The following PDZD8 variants were observed in gnomAD, a reference collection of about 807,000 sequenced individuals.
PDZD8 encodes the protein PDZ domain-containing protein 8.
A neutral mutation model predicts 85.8 loss-of-function variants in PDZD8; 14 were observed. The ratio of observed to expected loss-of-function variants is 0.16; its 90% CI spans 0.11 to 0.26. PDZD8 has a LOEUF of 0.26. Among genes scored for constraint, PDZD8 ranks in the 10% least tolerant of loss-of-function variants. The probability of loss-of-function intolerance (pLI) is 1.00; values close to 1 mark genes in which losing one functional copy is unlikely to be tolerated. For missense variants in PDZD8, 1,197 were observed against 1,424.3 expected (o/e 0.84, Z 2.57); for synonymous variants, 592 against 568.6 (o/e 1.04, Z -0.59).
At chr10:117,296,553 T>C (rs1023113421) in intron 3 of PDZD8, among the ~76,000 whole-genome samples, 1 of 152,130 alleles carries the variant, frequency 6.6e-6, no homozygotes, top group African/African-American at 2.4e-5. Context: ...TTACACTACC[T>C]GATTTCAAGG....
At chr10:117,332,851 C>T (rs545113914) in intron 2 of PDZD8, among the ~76,000 whole-genome samples, 19 of 149,540 alleles carry the variant, frequency 1.3e-4, no homozygotes, top group Non-Finnish European at 2.5e-4. Context: ...GGCGTGGTGG[C>T]TCATGCCTGT....
intron 2 of PDZD8, among the ~76,000 whole-genome samples, chr10:117,328,809 T>A (rs963247742): frequency 1.3e-5 from 2 of 152,158 alleles, no homozygotes; most frequent in East Asian, 3.8e-4. Context: ...GCCAATTAGA[T>A]CTATAATTAA....
chr10:117,324,482 C>T (rs1227911908), intron 2 of PDZD8, among the ~76,000 whole-genome samples: 1 of 152,044 alleles, frequency 6.6e-6, no homozygotes, highest in Admixed American at 6.6e-5. Context: ...TAGCCATGGC[C>T]ATTTCTAACT....
At chr10:117,373,096 A>G (rs1259392646) in intron 1 of PDZD8, among the ~76,000 whole-genome samples, 1 of 152,212 alleles carries the variant, frequency 6.6e-6, no homozygotes, top group African/African-American at 2.4e-5. Flanking sequence ...GAAGTTAAAA[A>G]TTCAGCTTTT....
At chr10:117,340,326 C>G (rs2133845255) in intron 2 of PDZD8, among the ~76,000 whole-genome samples, 1 of 152,336 alleles carries the variant, frequency 6.6e-6, no homozygotes, top group East Asian at 1.9e-4. Context: ...CAGCAAAGAA[C>G]TCTGCGAAGT....
chr10:117,308,156 A>G (rs763780984), intron 3 of PDZD8, among the ~76,000 whole-genome samples: 2 of 152,090 alleles, frequency 1.3e-5, no homozygotes, highest in Non-Finnish European at 2.9e-5. Context: ...TCCATATTTT[A>G]TCCTCAGTTG....
intron 3 of PDZD8, among the ~76,000 whole-genome samples, chr10:117,308,313 C>G (rs564218292): frequency 1.3e-5 from 2 of 152,050 alleles, no homozygotes; most frequent in East Asian, 3.9e-4. Flanking sequence ...CTCTCCCTGC[C>G]CTCCTCACAT....
Position 117,341,011 on chromosome 10 carries a change from G to T in PDZD8, c.964C>A (p.Arg322Ser). 6.2e-7 allele frequency: 1 copy of T among 1,613,918 alleles called. No homozygotes were observed. Among genetic ancestry groups the T allele is most frequent in the Non-Finnish European group, 8.5e-7 (1 of 1,179,926 alleles). The change falls in exon 2 of 5, where the codon CGT becomes AGT. Residue 322 changes from arginine (R) to serine (S), a missense_variant. Arg to Ser is a moderately radical substitution (Grantham distance 110). Around this residue, in one of 4 missense-constraint regions of PDZD8, gnomAD observed 344 missense variants for 453.6 expected, o/e 0.76. Transcript: ENST00000334464. ...CATTCTAACAACGTAACTTTAAGAC[G>T]GCCTTCAGTAAGTGCCCATTGTTGT... is the stretch of plus-strand genomic sequence containing the variant. ...HIQQWALTEG[R>S]LKVTLLECSR...
chr10:117,325,404 CTT>C (rs71013659), intron 2 of PDZD8, among the ~76,000 whole-genome samples: 11 of 99,840 alleles, frequency 1.1e-4, no homozygotes, highest in African/African-American at 2.9e-4. Flanking sequence ...GAAAAGCCAA[CTT>C]TTTTTTTTTT....
At chr10:117,287,599 T>C (rs375285513) in intron 4 of PDZD8, among the ~76,000 whole-genome samples, 10 of 152,302 alleles carry the variant, frequency 6.6e-5, no homozygotes, top group African/African-American at 4.8e-5. Flanking sequence ...CTAGGGATAT[T>C]TGACTCCCTA....
chr10:117,365,993 G>C (rs1252470189), intron 1 of PDZD8, among the ~76,000 whole-genome samples: 4 of 151,780 alleles, frequency 2.6e-5, no homozygotes, highest in Non-Finnish European at 5.9e-5. Flanking sequence ...TATTCTTACT[G>C]AACTATTGAT....
intron 3 of PDZD8, among the ~76,000 whole-genome samples, chr10:117,305,471 T>TACACACACACACACATAC (rs1843923909): frequency 2.1e-5 from 3 of 141,764 alleles, no homozygotes; most frequent in African/African-American, 8.0e-5. Flanking sequence ...TACACACACA[T>TACACACACACACACATAC]ACACACACAC....
intron 1 of PDZD8, among the ~76,000 whole-genome samples, chr10:117,369,082 C>T (rs1324424168): frequency 1.3e-5 from 2 of 151,956 alleles, no homozygotes; most frequent in Non-Finnish European, 2.9e-5. Flanking sequence ...GATCCACCCA[C>T]CTTGGCCTCC....
At chr10:117,334,647 TAATG>T (rs2133836356) in intron 2 of PDZD8, among the ~76,000 whole-genome samples, 1 of 151,394 alleles carries the variant, frequency 6.6e-6, no homozygotes, top group Admixed American at 6.6e-5. Flanking sequence ...AAGGAAAACA[TAATG>T]AGTGAACAGA....
intron 2 of PDZD8, among the ~76,000 whole-genome samples, chr10:117,327,828 TTTAGA>T (rs1466203484): frequency 2.0e-5 from 3 of 152,214 alleles, no homozygotes; most frequent in African/African-American, 7.2e-5. Context: ...AATTCTGATT[TTTAGA>T]TTACTTTTTT....
intron 1 of PDZD8, among the ~76,000 whole-genome samples, chr10:117,343,398 A>G (rs1844650321): frequency 6.6e-6 from 1 of 152,204 alleles, no homozygotes; most frequent in Non-Finnish European, 1.5e-5. Context: ...ATTTGAAGTC[A>G]TTTGATTCAG....
At chr10:117,348,246 T>C (rs1844742672) in intron 1 of PDZD8, among the ~76,000 whole-genome samples, 1 of 152,134 alleles carries the variant, frequency 6.6e-6, no homozygotes, top group African/African-American at 2.4e-5. Context: ...TGGCACAGCT[T>C]CGTTAAAACA....
At chr10:117,311,053 C>T (rs1256875035) in intron 3 of PDZD8, among the ~76,000 whole-genome samples, 1 of 152,152 alleles carries the variant, frequency 6.6e-6, no homozygotes, top group Non-Finnish European at 1.5e-5. Context: ...TTCTAAAACT[C>T]TCCAAAACTG....
chr10:117,296,856 A>AT (rs1408592946), intron 3 of PDZD8, among the ~76,000 whole-genome samples: 1 of 152,156 alleles, frequency 6.6e-6, no homozygotes, highest in Non-Finnish European at 1.5e-5. Flanking sequence ...ACAGGAGAAC[A>AT]TCTTTATGAC....
Sources: allele counts gnomAD v4.1 joint callset (sites outside exome capture counted in the v4.1 genomes callset), GRCh38; gene constraint gnomAD v4.1.1; regional missense constraint gnomAD v4.1.1; transcripts MANE v1.5; gene names NCBI Gene and HGNC (gene_info 2026-07-23, HGNC 2026-07-21).